Variants in NMNAT2 observed in about 807,000 individuals in gnomAD.
NMNAT2 encodes nicotinamide/nicotinic acid mononucleotide adenylyltransferase 2.
A neutral mutation model predicts 41.6 loss-of-function variants in NMNAT2; 11 were observed. The observed-to-expected ratio is 0.26, with a 90% confidence interval of 0.17 to 0.44. The LOEUF (loss-of-function observed/expected upper bound fraction) is 0.44. NMNAT2 is among the 20% of genes least tolerant of loss of function. NMNAT2 has a pLI of 1.00. For synonymous variants in NMNAT2, 148 were observed against 151.2 expected, an observed-to-expected ratio of 0.98 and a Z score of 0.16; for missense variants, 288 against 407.7, an observed-to-expected ratio of 0.71 and a Z score of 2.53.
At chr1:183,416,663 C>A (rs1490998785) in intron 1 of NMNAT2, among the ~76,000 whole-genome samples, 2 of 152,142 alleles carry the variant, frequency 1.3e-5, no homozygotes, top group Non-Finnish European at 1.5e-5. Context: ...TATCTCTCAG[C>A]CTCCCTCCTT....
chr1:183,265,948 G>A (rs549900), intron 8 of NMNAT2, among the ~76,000 whole-genome samples: 1 of 152,206 alleles, frequency 6.6e-6, no homozygotes, highest in Non-Finnish European at 1.5e-5. Flanking sequence ...AAGATAATGG[G>A]AAGATGGAGT....
chr1:183,342,760 G>A (rs964859280), intron 1 of NMNAT2, among the ~76,000 whole-genome samples: 2 of 152,004 alleles, frequency 1.3e-5, no homozygotes, highest in South Asian at 4.2e-4. Context: ...TTGAGACAGG[G>A]TCTTGCTCTG....
At chr1:183,350,568 G>A (rs778512526) in intron 1 of NMNAT2, among the ~76,000 whole-genome samples, 1 of 152,182 alleles carries the variant, frequency 6.6e-6, no homozygotes, top group Non-Finnish European at 1.5e-5. Context: ...ATTCACTTCT[G>A]TTATTAGGCT....
intron 1 of NMNAT2, among the ~76,000 whole-genome samples, chr1:183,310,686 A>G (rs1662094521): frequency 6.6e-6 from 1 of 152,180 alleles, no homozygotes; most frequent in African/African-American, 2.4e-5. Flanking sequence ...AACATCCTAT[A>G]ATGCACAGGA....
chr1:183,410,031 G>A (rs1649071404), intron 1 of NMNAT2, among the ~76,000 whole-genome samples: 1 of 152,094 alleles, frequency 6.6e-6, no homozygotes, highest in Non-Finnish European at 1.5e-5. Flanking sequence ...AATCGTGGCT[G>A]GGCATGGTGG....
chr1:183,415,517 C>T (rs1031538652), intron 1 of NMNAT2, among the ~76,000 whole-genome samples: 3 of 152,102 alleles, frequency 2.0e-5, no homozygotes, highest in East Asian at 3.8e-4. Context: ...AGAAGATGAG[C>T]GGGCACTTCC....
chr1:183,365,281 A>C (rs1245852678), intron 1 of NMNAT2, among the ~76,000 whole-genome samples: 1 of 151,984 alleles, frequency 6.6e-6, no homozygotes, highest in Non-Finnish European at 1.5e-5. Flanking sequence ...AGAACCACAG[A>C]ACGGTGGCAC....
chr1:183,408,538 C>T (rs2811550), intron 1 of NMNAT2, among the ~76,000 whole-genome samples: 2 of 152,158 alleles, frequency 1.3e-5, no homozygotes, highest in African/African-American at 4.8e-5. Flanking sequence ...ATGTCAATCA[C>T]CTTATTTTAC....
At chr1:183,255,500 T>C (rs1452409404) in intron 10 of NMNAT2, among the ~76,000 whole-genome samples, 1 of 152,154 alleles carries the variant, frequency 6.6e-6, no homozygotes, top group Admixed American at 6.5e-5. Context: ...ATCTTTATAT[T>C]TCTTTAGGTA....
intron 8 of NMNAT2, 148 bp from the exon 9 acceptor site, chr1:183,261,451 G>A: frequency 1.4e-6 from 1 of 691,480 alleles, no homozygotes; most frequent in Non-Finnish European, 2.6e-6. Flanking sequence ...AGCCCCATCA[G>A]CCAGCTCCTT....
intron 1 of NMNAT2, among the ~76,000 whole-genome samples, chr1:183,406,386 G>A (rs1648954316): frequency 6.6e-6 from 1 of 152,168 alleles, no homozygotes; most frequent in South Asian, 2.1e-4. Context: ...CTTGCTGCAT[G>A]GATCTCGAGG....
chr1:183,264,845 C>T (rs1341881627), intron 8 of NMNAT2, among the ~76,000 whole-genome samples: 1 of 152,124 alleles, frequency 6.6e-6, no homozygotes, highest in Non-Finnish European at 1.5e-5. Flanking sequence ...ACTACCCTCT[C>T]CTGGTTGCCC....
intron 1 of NMNAT2, among the ~76,000 whole-genome samples, chr1:183,354,591 C>T (rs1663142336): frequency 6.6e-6 from 1 of 151,716 alleles, no homozygotes; most frequent in Admixed American, 6.6e-5. Flanking sequence ...TTTGTATGAC[C>T]TTGTTTATAG....
intron 1 of NMNAT2, among the ~76,000 whole-genome samples, chr1:183,397,896 A>T (rs1360432550): frequency 6.6e-6 from 1 of 152,206 alleles, no homozygotes; most frequent in Non-Finnish European, 1.5e-5. Context: ...GCCCTAAAAG[A>T]GCTCCTGAAG....
chr1:183,348,166 G>T (rs896682017), intron 1 of NMNAT2, among the ~76,000 whole-genome samples: 1 of 151,932 alleles, frequency 6.6e-6, no homozygotes, highest in African/African-American at 2.4e-5. Context: ...TTTTCAATTT[G>T]ACATGAATTT....
intron 1 of NMNAT2, among the ~76,000 whole-genome samples, chr1:183,350,124 T>C (rs1323782668): frequency 1.3e-5 from 2 of 152,154 alleles, no homozygotes; most frequent in Non-Finnish European, 2.9e-5. Context: ...ATACACACAA[T>C]CCCTGCCCTC....
intron 8 of NMNAT2, among the ~76,000 whole-genome samples, chr1:183,276,989 T>C (rs568447781): frequency 6.6e-6 from 1 of 152,268 alleles, no homozygotes; most frequent in Non-Finnish European, 1.5e-5. Flanking sequence ...TTAGCATTTA[T>C]GCCCTTCACC....
intron 10 of NMNAT2, among the ~76,000 whole-genome samples, chr1:183,259,198 G>C (rs960626474): frequency 1.3e-5 from 2 of 152,172 alleles, no homozygotes; most frequent in African/African-American, 4.8e-5. Flanking sequence ...GTGGGACTGG[G>C]CAGGACACAG....
At chr1:183,278,673 C>T in intron 7 of NMNAT2, 44 bp from the exon 8 acceptor site, 2 of 1,404,552 alleles carry the variant, frequency 1.4e-6, no homozygotes, top group Non-Finnish European at 2.0e-6. Context: ...AAGTGGTGGC[C>T]CGGGAAGCAT....
Sources: gnomAD v4.1 joint callset for allele counts (sites outside exome capture counted in the v4.1 genomes callset) on GRCh38, gnomAD v4.1.1 for gene constraint, MANE v1.5 for transcripts, NCBI Gene and HGNC (gene_info 2026-07-23, HGNC 2026-07-21) for gene names.